Variants in SYT9 observed in about 807,000 individuals in gnomAD.
The protein encoded by SYT9 is synaptotagmin-9.
SYT9 carries 22 observed loss-of-function variants against 48.4 expected under a neutral mutation model. The ratio of observed to expected loss-of-function variants is 0.45; its 90% CI spans 0.32 to 0.65. SYT9 has a LOEUF of 0.65. Among genes scored for constraint, SYT9 ranks in the 30% least tolerant of loss-of-function variants. SYT9 has a pLI of 0.03. For missense variants in SYT9, 577 were observed against 622.0 expected, an observed-to-expected ratio of 0.93 and a Z score of 0.77; for synonymous variants, 265 against 245.0, an observed-to-expected ratio of 1.08 and a Z score of -0.76.
chr11:7,406,073 A>G (rs1847002756), intron 3 of SYT9, among the ~76,000 whole-genome samples: 1 of 152,156 alleles, frequency 6.6e-6, no homozygotes, highest in African/African-American at 2.4e-5. Context: ...TATGGGGTAC[A>G]TATGAATATT....
intron 6 of SYT9, chr11:7,450,489 CT>C (rs1253091719): frequency 6.6e-6 from 1 of 152,202 alleles, no homozygotes; most frequent in African/African-American, 2.4e-5. Flanking sequence ...TCTGGCAGAG[CT>C]GCAGCCAACC....
intron 3 of SYT9, among the ~76,000 whole-genome samples, chr11:7,401,976 C>T (rs1234853105): frequency 1.3e-5 from 2 of 151,588 alleles, no homozygotes; most frequent in Non-Finnish European, 2.9e-5. Context: ...AAGCATTTAC[C>T]GCTATAGATT....
intron 3 of SYT9, among the ~76,000 whole-genome samples, chr11:7,373,443 C>A (rs951211315): frequency 6.6e-6 from 1 of 152,070 alleles, no homozygotes; most frequent in Non-Finnish European, 1.5e-5. Flanking sequence ...TGGCATATGT[C>A]GAGCTCTGGA....
At chr11:7,360,173 G>A (rs997855178) in intron 3 of SYT9, among the ~76,000 whole-genome samples, 39 of 152,214 alleles carry the variant, frequency 2.6e-4, no homozygotes, top group African/African-American at 3.6e-4. Context: ...GGTATGTGGC[G>A]TTATTTCTGA....
intron 3 of SYT9, among the ~76,000 whole-genome samples, chr11:7,374,017 C>A (rs1564881056): frequency 6.6e-6 from 1 of 152,064 alleles, no homozygotes; most frequent in African/African-American, 2.4e-5. Context: ...TGGTTTCCTG[C>A]ACCCATCAAC....
intron 3 of SYT9, among the ~76,000 whole-genome samples, chr11:7,361,061 A>AT (rs1429138240): frequency 3.9e-5 from 6 of 152,044 alleles, no homozygotes; most frequent in African/African-American, 1.4e-4. Flanking sequence ...CATTTCTAAC[A>AT]TTTTTTATCT....
intron 1 of SYT9, among the ~76,000 whole-genome samples, chr11:7,274,584 T>C (rs1042130523): frequency 3.3e-5 from 5 of 152,052 alleles, no homozygotes; most frequent in African/African-American, 1.2e-4. Context: ...TCAGGAAGTG[T>C]TGGGATTATA....
At chr11:7,336,286 AGTTT>A (rs988823676) in intron 3 of SYT9, among the ~76,000 whole-genome samples, 8 of 152,028 alleles carry the variant, frequency 5.3e-5, no homozygotes, top group African/African-American at 9.7e-5. Context: ...CCTGTTCTGT[AGTTT>A]GTTTGTTTAC....
chr11:7,434,222 A>G (rs1038927743), intron 6 of SYT9, among the ~76,000 whole-genome samples: 1 of 152,208 alleles, frequency 6.6e-6, no homozygotes, highest in African/African-American at 2.4e-5. Flanking sequence ...TTGCAGTAAT[A>G]AGAGAAATGT....
chr11:7,315,401 T>C (rs1225453936), intron 3 of SYT9, among the ~76,000 whole-genome samples: 1 of 152,180 alleles, frequency 6.6e-6, no homozygotes, highest in Admixed American at 6.5e-5. Flanking sequence ...CACCCCCCAC[T>C]GGGGTATTTA....
At chr11:7,411,589 C>T (rs1010805654) in intron 3 of SYT9, among the ~76,000 whole-genome samples, 16 of 152,094 alleles carry the variant, frequency 1.1e-4, no homozygotes, top group African/African-American at 3.9e-4. Context: ...ACTTTCTTAG[C>T]CTGATGGGGT....
intron 3 of SYT9, among the ~76,000 whole-genome samples, chr11:7,401,750 G>A (rs1242116243): frequency 6.6e-6 from 1 of 151,326 alleles, no homozygotes; most frequent in African/African-American, 2.4e-5. Flanking sequence ...TTTTTATGTT[G>A]ATAATTAATA....
chr11:7,311,090 G>A (rs1259567010), intron 2 of SYT9, among the ~76,000 whole-genome samples: 1 of 152,156 alleles, frequency 6.6e-6, no homozygotes, highest in Non-Finnish European at 1.5e-5. Flanking sequence ...ATCACCTGAG[G>A]TTGGGAGTTC....
intron 1 of SYT9, among the ~76,000 whole-genome samples, chr11:7,253,447 AT>A (rs1847910709): frequency 6.6e-6 from 1 of 152,204 alleles, no homozygotes. Context: ...TTAAAGAATT[AT>A]TTGATTTATA....
intron 1 of SYT9, among the ~76,000 whole-genome samples, chr11:7,286,657 C>A (rs1848600340): frequency 6.6e-6 from 1 of 152,172 alleles, no homozygotes; most frequent in Admixed American, 6.5e-5. Flanking sequence ...GCTCTGCTTC[C>A]TCTTGAACAC....
At chr11:7,430,467 T>A (rs565966356) in intron 6 of SYT9, among the ~76,000 whole-genome samples, 236 of 152,342 alleles carry the variant, frequency 1.5e-3, no homozygotes, top group South Asian at 1.7e-3. Context: ...CTTCATAGCT[T>A]AGGATCTGAA....
At chr11:7,462,043 C>T (rs1480724228) in intron 6 of SYT9, among the ~76,000 whole-genome samples, 1 of 152,228 alleles carries the variant, frequency 6.6e-6, no homozygotes, top group Non-Finnish European at 1.5e-5. Flanking sequence ...GAAGTCTGGA[C>T]TGTTCAGAAT....
chr11:7,356,082 CATG>C (rs1850015444), intron 3 of SYT9, among the ~76,000 whole-genome samples: 1 of 152,198 alleles, frequency 6.6e-6, no homozygotes, highest in Non-Finnish European at 1.5e-5. Context: ...CTTTTCTGCT[CATG>C]ATCTGTTTCA....
At chr11:7,413,191 T>A (rs987649916) in intron 3 of SYT9, among the ~76,000 whole-genome samples, 1 of 152,282 alleles carries the variant, frequency 6.6e-6, no homozygotes, top group South Asian at 2.1e-4. Flanking sequence ...TGTGATTTGC[T>A]CATGCCTCAG....
Sources: gnomAD v4.1 joint callset for allele counts (sites outside exome capture counted in the v4.1 genomes callset) on GRCh38, gnomAD v4.1.1 for gene constraint, MANE v1.5 for transcripts, NCBI Gene and HGNC (gene_info 2026-07-23, HGNC 2026-07-21) for gene names.